The following DYNC2LI1 variants were observed in gnomAD, a reference collection of about 807,000 sequenced individuals.
The protein encoded by DYNC2LI1 is cytoplasmic dynein 2 light intermediate chain 1.
A neutral mutation model predicts 51.9 loss-of-function variants in DYNC2LI1; 45 were observed. The ratio of observed to expected loss-of-function variants is 0.87; its 90% CI spans 0.68 to 1.11. The LOEUF is 1.11. DYNC2LI1 is among the 50% of genes most tolerant of loss of function. DYNC2LI1 has a pLI of 0.00. For missense variants in DYNC2LI1, 490 were observed against 417.4 expected (o/e 1.17, Z -1.51); for synonymous variants, 130 against 137.8 (o/e 0.94, Z 0.40).
the DYNC2LI1 span, chr2:43,823,814 G>A: frequency 7.1e-7 from 1 of 1,415,884 alleles, no homozygotes; most frequent in Non-Finnish European, 9.6e-7. Flanking sequence ...GTTTAGCTCA[G>A]AGAAAAACCC....
chr2:43,789,399 C>T (rs1290653206), intron 4 of DYNC2LI1, among the ~76,000 whole-genome samples: 2 of 152,200 alleles, frequency 1.3e-5, no homozygotes, highest in South Asian at 4.1e-4. Flanking sequence ...TTAGGTATTA[C>T]TAGAATTAGG....
chr2:43,814,002 C>A (rs1163942262), downstream of DYNC2LI1, among the ~76,000 whole-genome samples: 1 of 152,120 alleles, frequency 6.6e-6, no homozygotes, highest in Non-Finnish European at 1.5e-5. Flanking sequence ...AGGCGTGAGC[C>A]ACTGTGCCCG....
At chr2:43,815,673 G>T in the DYNC2LI1 span, among the ~76,000 whole-genome samples, 1 of 152,120 alleles carries the variant, frequency 6.6e-6, no homozygotes, top group Non-Finnish European at 1.5e-5. Flanking sequence ...GTACAGGTAT[G>T]CCAAGGGCTG....
intron 5 of DYNC2LI1, among the ~76,000 whole-genome samples, chr2:43,791,383 A>C (rs1662232316): frequency 6.6e-6 from 1 of 152,090 alleles, no homozygotes; most frequent in African/African-American, 2.4e-5. Flanking sequence ...TGAAGCCCAA[A>C]AGGTTTTGGC....
chr2:43,819,877 T>G, the DYNC2LI1 span: 1 of 1,605,110 alleles, frequency 6.2e-7, no homozygotes, highest in South Asian at 1.1e-5. Flanking sequence ...TAATAACAGA[T>G]TATCCCAATC....
At chr2:43,819,633 C>T in the DYNC2LI1 span, among the ~76,000 whole-genome samples, 7 of 152,126 alleles carry the variant, frequency 4.6e-5, 1 homozygote, top group Non-Finnish European at 8.8e-5. Context: ...CTGGAACATC[C>T]GGGCTGGTTT....
the DYNC2LI1 span, chr2:43,825,064 G>T: frequency 1.0e-5 from 16 of 1,605,410 alleles, no homozygotes; most frequent in African/African-American, 2.1e-4. Flanking sequence ...CAAGGGTAGC[G>T]ATGCACTTTG....
At chr2:43,824,502 G>T in the DYNC2LI1 span, 2 of 1,598,572 alleles carry the variant, frequency 1.3e-6, no homozygotes, top group Admixed American at 1.7e-5. Context: ...ATATACAATT[G>T]GTACAGGAGT....
chr2:43,828,024 C>T, the DYNC2LI1 span: 2,202 of 1,614,134 alleles, frequency 1.4e-3, 3 homozygotes, highest in Non-Finnish European at 1.7e-3. Context: ...GACCCGGCGC[C>T]GCTCACCCGT....
At chr2:43,791,061 A>T (rs1572706156) in intron 5 of DYNC2LI1, among the ~76,000 whole-genome samples, 1 of 152,292 alleles carries the variant, frequency 6.6e-6, no homozygotes, top group East Asian at 1.9e-4. Flanking sequence ...CAAAAAAATT[A>T]AAAAATAAAA....
chr2:43,776,593 C>A (rs529187619), intron 1 of DYNC2LI1, among the ~76,000 whole-genome samples, 189 bp from the exon 2 acceptor site: 1 of 152,180 alleles, frequency 6.6e-6, no homozygotes, highest in African/African-American at 2.4e-5. Context: ...AGAACTAGTT[C>A]AAAGCAACAA....
intron 12 of DYNC2LI1, among the ~76,000 whole-genome samples, chr2:43,807,425 T>G (rs1666302982): frequency 1.3e-5 from 2 of 152,092 alleles, no homozygotes; most frequent in African/African-American, 4.8e-5. Context: ...TGCTGAGCCC[T>G]TCTACCTCTT....
At chr2:43,782,505 CT>C (rs1159262922) in intron 2 of DYNC2LI1, among the ~76,000 whole-genome samples, 1 of 144,664 alleles carries the variant, frequency 6.9e-6, no homozygotes, top group African/African-American at 2.6e-5. Context: ...GCTTGTCCTG[CT>C]GTTTCTCTTT....
chr2:43,827,654 C>T, the DYNC2LI1 span, among the ~76,000 whole-genome samples: 1 of 152,192 alleles, frequency 6.6e-6, no homozygotes, highest in African/African-American at 2.4e-5. Flanking sequence ...CATTGGCTTT[C>T]CCCAGCCCAC....
At chr2:43,822,452 T>C in the DYNC2LI1 span, 1 of 917,752 alleles carries the variant, frequency 1.1e-6, no homozygotes, top group Non-Finnish European at 1.3e-6. Flanking sequence ...GGTTTTACAT[T>C]CAGGCTGCTT....
At chr2:43,820,204 G>A in the DYNC2LI1 span, 14 of 1,374,960 alleles carry the variant, frequency 1.0e-5, no homozygotes, top group African/African-American at 1.7e-4. Flanking sequence ...GTGGGTGGGA[G>A]AAGTTTGCAG....
the DYNC2LI1 span, chr2:43,825,016 G>A: frequency 1.2e-6 from 2 of 1,613,668 alleles, no homozygotes; most frequent in Non-Finnish European, 1.7e-6. Flanking sequence ...TTTTGTCAAA[G>A]AGCTGACCAG....
chr2:43,778,906 G>C (rs1274621670), intron 2 of DYNC2LI1, among the ~76,000 whole-genome samples: 3 of 152,084 alleles, frequency 2.0e-5, no homozygotes, highest in Non-Finnish European at 4.4e-5. Flanking sequence ...TTTTGTTTCT[G>C]ATGATTTGGG....
At chr2:43,783,113 T>G (rs1005153768) in intron 2 of DYNC2LI1, among the ~76,000 whole-genome samples, 3 of 152,216 alleles carry the variant, frequency 2.0e-5, no homozygotes, top group African/African-American at 4.8e-5. Flanking sequence ...GTCCTTTATT[T>G]GTATGTTACC....
Sources: gnomAD v4.1 joint callset for allele counts (sites outside exome capture counted in the v4.1 genomes callset) on GRCh38, gnomAD v4.1.1 for gene constraint, MANE v1.5 for transcripts, NCBI Gene and HGNC (gene_info 2026-07-23, HGNC 2026-07-21) for gene names.